NRXN3: variants seen among roughly 807,000 people sequenced by gnomAD.
NRXN3 encodes neurexin 3, also known as neurexin III.
In NRXN3, 32 loss-of-function variants were observed where a neutral mutation model predicts 137.6. The observed-to-expected ratio is 0.23, with a 90% CI of 0.18 to 0.31. The LOEUF is 0.31. Ranked by LOEUF, NRXN3 falls within the 10% of genes least tolerant of loss-of-function variation. The probability of loss-of-function intolerance (pLI) is 1.00; values close to 1 mark genes in which losing one functional copy is unlikely to be tolerated. For synonymous variants in NRXN3, 798 were observed against 784.5 expected, an observed-to-expected ratio of 1.02 and a Z score of -0.29; for missense variants, 1,574 against 2,062.5, an observed-to-expected ratio of 0.76 and a Z score of 4.59.
intron 4 of NRXN3, among the ~76,000 whole-genome samples, chr14:78,428,256 G>T (rs984073828): frequency 1.3e-5 from 2 of 152,088 alleles, no homozygotes; most frequent in East Asian, 1.9e-4. Context: ...CTGTTCCCTT[G>T]TTAAAGGTCA....
intron 10 of NRXN3, among the ~76,000 whole-genome samples, chr14:78,843,314 G>C (rs530134763): frequency 6.6e-6 from 1 of 152,002 alleles, no homozygotes; most frequent in Non-Finnish European, 1.5e-5. Context: ...ATCTGTTTGG[G>C]TTATTGTCCC....
Position 79,697,583 on chromosome 14 carries a change from A to G in NRXN3, c.3707-47A>G, listed in dbSNP as rs369671710. 3.8e-5 allele frequency: 60 copies of G among 1,576,644 alleles called. No homozygotes were observed. The African/African-American group carries it at 7.8e-4, about 21-fold the overall frequency. On this transcript the variant is annotated intron_variant, in intron 18 of 20. Coordinates refer to ENST00000335750, the MANE Select transcript of NRXN3 (RefSeq NM_001330195.2). ...CCATTCAGACCAGGTAAGGCAAACA[A>G]GGAAAACGTATGAGAATAATAATGT... is the stretch of plus-strand genomic sequence containing the variant.
intron 10 of NRXN3, among the ~76,000 whole-genome samples, chr14:78,923,741 C>T: frequency 6.6e-6 from 1 of 152,228 alleles, no homozygotes. Context: ...AGATACTGTG[C>T]TAAGGCTTTT....
rs187611356 is a variant in NRXN3, at chr14:78,942,231, T to C, written c.2276-15011T>C. ...AACCTGCCAAGTACTTCACTTTCTT[T>C]CTCTCTACCAACCTGCTTCTTACCA... On this transcript the variant is annotated intron_variant, in intron 10 of 20. Transcript: ENST00000335750. Among the ~76,000 whole-genome samples the C allele has an allele frequency of 3.7e-3, 558 of 152,312 alleles. 1 individual carries two copies. Among genetic ancestry groups the C allele is most frequent in the African/African-American group, 0.013 (530 of 41,570 alleles).
chr14:79,030,253 G>A (rs959158922), intron 15 of NRXN3, among the ~76,000 whole-genome samples: 1 of 151,754 alleles, frequency 6.6e-6, no homozygotes, highest in Non-Finnish European at 1.5e-5. Context: ...CAACATAATT[G>A]TCACAATAAA....
rs571598841 is a variant in NRXN3, at chr14:79,676,647, A to T, written c.3616+12698A>T. On this transcript the variant is annotated intron_variant, in intron 17 of 20. Transcript: ENST00000335750. ...CACTGTATGAGATGATGGGCATGTT[A>T]CTTTGCTTGACTACAGTCATTTCAG... 4.6e-5 allele frequency among the ~76,000 whole-genome samples: 7 copies of T among 152,114 alleles called. No individual in the cohort carries two copies. In the South Asian group the frequency reaches 1.2e-3, roughly 27 times the overall value.
At chr14:78,270,753 A>C (rs2153487028) in intron 2 of NRXN3, among the ~76,000 whole-genome samples, 1 of 152,374 alleles carries the variant, frequency 6.6e-6, no homozygotes, top group Middle Eastern at 3.4e-3. Flanking sequence ...AATCCTCACA[A>C]TAGTCATATA....
chr14:79,572,779 A>C (rs1277813803), intron 16 of NRXN3: 2 of 152,236 alleles, frequency 1.3e-5, no homozygotes, highest in African/African-American at 4.8e-5. Context: ...AATATGTACA[A>C]AGACAAGGTG....
chr14:78,996,902 A>C (rs1052191447), intron 15 of NRXN3, among the ~76,000 whole-genome samples: 29 of 152,156 alleles, frequency 1.9e-4, no homozygotes, highest in African/African-American at 5.8e-4. Context: ...AATGAAACCC[A>C]GGGTCTTCTA....
intron 19 of NRXN3, among the ~76,000 whole-genome samples, chr14:79,705,574 C>T (rs1475537002): frequency 6.6e-6 from 1 of 152,136 alleles, no homozygotes; most frequent in Admixed American, 6.5e-5. Context: ...TTAAATCTTA[C>T]ACCTTAAGCG....
At chr14:79,422,635 G>A (rs1213862672) in intron 15 of NRXN3, among the ~76,000 whole-genome samples, 2 of 151,562 alleles carry the variant, frequency 1.3e-5, no homozygotes, top group East Asian at 1.9e-4. Context: ...GTCCAGACCC[G>A]AGTGATAAGA....
At chr14:78,715,843 A>G (rs2098429487) in intron 8 of NRXN3, among the ~76,000 whole-genome samples, 2 of 151,764 alleles carry the variant, frequency 1.3e-5, no homozygotes, top group Non-Finnish European at 2.9e-5. Context: ...AATGTTAGTG[A>G]TTATTATAGT....
intron 20 of NRXN3, among the ~76,000 whole-genome samples, chr14:79,844,718 T>G (rs9888579): frequency 0.76 from 115,925 of 152,070 alleles, 44,496 homozygotes; most frequent in East Asian, 0.91. Context: ...ACTACAGGCA[T>G]AGTACATTTA....
At chr14:78,618,266 T>A (rs1439621325) in intron 4 of NRXN3, among the ~76,000 whole-genome samples, 1 of 151,990 alleles carries the variant, frequency 6.6e-6, no homozygotes, top group Non-Finnish European at 1.5e-5. Context: ...ACCTTTTTTT[T>A]TTTTTTTGAT....
chr14:78,714,644 A>T, intron 7 of NRXN3, 112 bp from the exon 8 acceptor site: 1 of 1,173,792 alleles, frequency 8.5e-7, no homozygotes, highest in Non-Finnish European at 1.2e-6. Flanking sequence ...TCTCTTGCTT[A>T]CATTGTTCTC....
intron 4 of NRXN3, among the ~76,000 whole-genome samples, chr14:78,571,224 T>C (rs1264489565): frequency 4.6e-5 from 7 of 152,200 alleles, no homozygotes; most frequent in African/African-American, 1.2e-4. Context: ...ATTTTAAAGA[T>C]AACTGACCAC....
At chr14:78,964,902 G>A (rs988870595) in intron 11 of NRXN3, among the ~76,000 whole-genome samples, 2 of 151,832 alleles carry the variant, frequency 1.3e-5, no homozygotes, top group Admixed American at 6.6e-5. Context: ...AGATATTTCC[G>A]TTGTGAATGT....
At chr14:78,794,239 G>T (rs1368834649) in intron 8 of NRXN3, among the ~76,000 whole-genome samples, 1 of 152,012 alleles carries the variant, frequency 6.6e-6, no homozygotes, top group Non-Finnish European at 1.5e-5. Flanking sequence ...AAAATTAGCC[G>T]GGTGTGGTGG....
chr14:78,840,996 T>C, intron 10 of NRXN3, among the ~76,000 whole-genome samples: 1 of 152,192 alleles, frequency 6.6e-6, no homozygotes, highest in South Asian at 2.1e-4. Context: ...ATTATCTCTA[T>C]TTTCCACATG....
Sources: allele counts gnomAD v4.1 joint callset (sites outside exome capture counted in the v4.1 genomes callset), GRCh38; gene constraint gnomAD v4.1.1; transcripts MANE v1.5; gene names NCBI Gene and HGNC (gene_info 2026-07-23, HGNC 2026-07-21).